Variants in SYN3 observed in about 807,000 individuals in gnomAD.
SYN3 encodes the protein synapsin-3.
In SYN3, 35 loss-of-function variants were observed where a neutral mutation model predicts 65.8. That is an observed-to-expected ratio of 0.53 (90% CI 0.41 to 0.70). The LOEUF (loss-of-function observed/expected upper bound fraction) is 0.70. Among genes scored for constraint, SYN3 ranks in the 30% least tolerant of loss-of-function variants. The pLI is 0.00. For missense variants in SYN3, 680 were observed against 749.0 expected (o/e 0.91, Z 1.08); for synonymous variants, 270 against 292.9 (o/e 0.92, Z 0.80).
intron 6 of SYN3, among the ~76,000 whole-genome samples, chr22:32,727,744 G>C (rs1200770226): frequency 6.6e-6 from 1 of 152,188 alleles, no homozygotes; most frequent in African/African-American, 2.4e-5. Context: ...GTGATGTTGA[G>C]CTTTTTTGTG....
At chr22:32,700,954 C>T (rs1195070549) in intron 6 of SYN3, among the ~76,000 whole-genome samples, 2 of 152,210 alleles carry the variant, frequency 1.3e-5, no homozygotes, top group African/African-American at 2.4e-5. Context: ...GAATCATCCT[C>T]GATAACTACT....
At chr22:32,794,724 T>G in intron 6 of SYN3, among the ~76,000 whole-genome samples, 1 of 150,920 alleles carries the variant, frequency 6.6e-6, no homozygotes, top group Non-Finnish European at 1.5e-5. Flanking sequence ...GGGTGGGAGG[T>G]GAGTGAGAGA....
chr22:32,786,853 G>T (rs1282688256), intron 6 of SYN3, among the ~76,000 whole-genome samples: 2 of 152,070 alleles, frequency 1.3e-5, no homozygotes, highest in African/African-American at 2.4e-5. Flanking sequence ...GTCATGGGAT[G>T]AAGGGCACAG....
intron 13 of SYN3, among the ~76,000 whole-genome samples, chr22:32,516,154 C>T (rs2057770323): frequency 6.6e-6 from 1 of 152,020 alleles, no homozygotes; most frequent in Admixed American, 6.5e-5. Context: ...ATAGTGAATA[C>T]TCCTGTGTGT....
intron 2 of SYN3, among the ~76,000 whole-genome samples, chr22:32,984,003 C>T (rs1036581778): frequency 3.3e-5 from 5 of 151,654 alleles, no homozygotes; most frequent in Non-Finnish European, 5.9e-5. Context: ...ACTAAAAATA[C>T]AAACAATTAG....
intron 6 of SYN3, chr22:32,858,068 G>C: frequency 6.2e-7 from 1 of 1,614,184 alleles, no homozygotes; most frequent in Non-Finnish European, 8.5e-7. Flanking sequence ...TTCGTGGAGA[G>C]GTGGGACCAG....
rs553769997 is a variant in SYN3 at position 32,957,072 on chromosome 22, G to T, written c.369+23573C>A. ...AGGAAGGGCCCTTAGGTATTGGGAAGGACTTTGGCTATGGCTTGGAGTGAG... is the reference window on the plus strand; with the variant it reads ...AGGAAGGGCCCTTAGGTATTGGGAATGACTTTGGCTATGGCTTGGAGTGAG... On this transcript the variant is annotated intron_variant, in intron 3 of 13. Coordinates refer to ENST00000358763, the MANE Select transcript of SYN3 (RefSeq NM_003490.4). Among the ~76,000 whole-genome samples the T allele has an allele frequency of 2.6e-5, 4 of 152,292 alleles. No individual in the cohort carries two copies. The East Asian group carries it at 7.7e-4, about 29-fold the overall frequency.
At chr22:32,690,053 G>A (rs973015598) in intron 6 of SYN3, among the ~76,000 whole-genome samples, 2 of 152,340 alleles carry the variant, frequency 1.3e-5, no homozygotes, top group Middle Eastern at 3.4e-3. Context: ...GTGGGTGCCT[G>A]TAATCCCAGC....
At position 33,006,476 on chromosome 22, in the gene SYN3, G is replaced by A; in HGVS notation, c.187C>T (p.Leu63Phe). 6.2e-7 allele frequency: 1 copy of A among 1,614,204 alleles called. No individual in the cohort carries two copies. The highest frequency in any genetic ancestry group is 1.1e-5 in the South Asian group (1 of 91,080). Residue 63 changes from leucine (L) to phenylalanine (F), a missense_variant, in exon 2 of 14, where the codon CTC (leucine) becomes TTC (phenylalanine). Leu to Phe is a conservative substitution (Grantham distance 22, BLOSUM62 0). Coordinates refer to ENST00000358763, the MANE Select transcript of SYN3 (RefSeq NM_003490.4). ...SSPGSSLFSS[L>F]SSAMKQAPQA... is the part of the protein sequence containing the mutation. Reference sequence around the variant, plus strand: ...GGGGCCTGCTTCATGGCACTGGAGAGGGAGCTAAAAAGGCTGGATCCTGGA... The same window carrying A: ...GGGGCCTGCTTCATGGCACTGGAGAAGGAGCTAAAAAGGCTGGATCCTGGA...
At chr22:32,678,552 T>C (rs1236296938) in intron 6 of SYN3, among the ~76,000 whole-genome samples, 3 of 146,344 alleles carry the variant, frequency 2.0e-5, no homozygotes, top group Non-Finnish European at 4.5e-5. Context: ...TCCTCCTCCT[T>C]CATCCTCCTC....
intron 4 of SYN3, among the ~76,000 whole-genome samples, chr22:32,902,321 G>T (rs1172824697): frequency 1.3e-5 from 2 of 152,198 alleles, no homozygotes; most frequent in East Asian, 3.9e-4. Context: ...AGTCAGTGAG[G>T]GTTTCTAAGC....
chr22:32,998,789 A>AAAAC, intron 2 of SYN3, among the ~76,000 whole-genome samples: 1 of 141,572 alleles, frequency 7.1e-6, no homozygotes, highest in Non-Finnish European at 1.6e-5. Flanking sequence ...AAAAAAAAAA[A>AAAAC]AAAAAAAAAA....
chr22:32,991,360 A>AATAATG (rs1556097836), intron 2 of SYN3, among the ~76,000 whole-genome samples: 1 of 148,744 alleles, frequency 6.7e-6, no homozygotes, highest in Non-Finnish European at 1.5e-5. Flanking sequence ...TAATAATAAT[A>AATAATG]ATAATAATAA....
At chr22:32,869,330 TTCTCTCTCTCTCTCTCTCTCTC>T (rs59752570) in intron 4 of SYN3, among the ~76,000 whole-genome samples, 10 of 120,932 alleles carry the variant, frequency 8.3e-5, no homozygotes, top group African/African-American at 2.9e-4. Flanking sequence ...ACTATATATA[TTCTCTCTCTCTCTCTCTCTCTC>T]TCTCTCTCTC....
chr22:32,758,998 G>A (rs932803964), intron 6 of SYN3, among the ~76,000 whole-genome samples: 6 of 151,776 alleles, frequency 4.0e-5, no homozygotes, highest in Non-Finnish European at 1.5e-5. Flanking sequence ...TCAAGGGAGG[G>A]TCCTGTCCCC....
At chr22:32,704,658 G>C (rs1357174973) in intron 6 of SYN3, among the ~76,000 whole-genome samples, 1 of 152,132 alleles carries the variant, frequency 6.6e-6, no homozygotes, top group Admixed American at 6.5e-5. Flanking sequence ...TTTCCACAGT[G>C]GTTGAACTAA....
Position 32,877,154 on chromosome 22 carries a change from A to G in SYN3, c.462-8029T>C, listed in dbSNP as rs527772981. 2.0e-4 allele frequency among the ~76,000 whole-genome samples: 31 copies of G among 152,220 alleles called. No homozygotes were observed. The East Asian group carries it at 4.6e-3, about 23-fold the overall frequency. On this transcript the variant is annotated intron_variant, in intron 4 of 13. Transcript: ENST00000358763. ...GTTAGTCCCTTTCCACCCCAATACA[A>G]TTGCTCCGAGGTCACTTCTAAGTGT...
chr22:33,040,563 C>T (rs1010514857), intron 1 of SYN3, among the ~76,000 whole-genome samples: 13 of 152,270 alleles, frequency 8.5e-5, no homozygotes, highest in East Asian at 3.9e-4. Context: ...AGTTGCTCCT[C>T]GATATATGTC....
chr22:32,739,175 G>GGA (rs1555942771), intron 6 of SYN3, among the ~76,000 whole-genome samples: 2 of 87,876 alleles, frequency 2.3e-5, no homozygotes, highest in South Asian at 1.2e-3. Context: ...TTGAATCACA[G>GGA]GGGGGGGGCG....
Sources: gnomAD v4.1 joint callset for allele counts (sites outside exome capture counted in the v4.1 genomes callset) on GRCh38, gnomAD v4.1.1 for gene constraint, MANE v1.5 for transcripts, NCBI Gene and HGNC (gene_info 2026-07-23, HGNC 2026-07-21) for gene names.